CWF19L2: variants seen among roughly 807,000 people sequenced by gnomAD.
CWF19L2 encodes the protein CWF19-like protein 2.
Under a neutral mutation model 111.7 loss-of-function variants are expected in CWF19L2, and 98 were observed. That is an observed-to-expected ratio of 0.88 (90% CI 0.75 to 1.04). CWF19L2 has a LOEUF of 1.04. Among genes scored for constraint, CWF19L2 ranks in the 50% least tolerant of loss-of-function variants. The probability of loss-of-function intolerance (pLI) is 0.00; values close to 1 mark genes in which losing one functional copy is unlikely to be tolerated. For synonymous variants in CWF19L2, 351 were observed against 342.9 expected, an observed-to-expected ratio of 1.02 and a Z score of -0.26; for missense variants, 1,101 against 1,051.4, an observed-to-expected ratio of 1.05 and a Z score of -0.65.
intron 10 of CWF19L2, among the ~76,000 whole-genome samples, chr11:107,396,897 A>T (rs518062): frequency 5.2e-4 from 79 of 151,886 alleles, no homozygotes; most frequent in Non-Finnish European, 7.5e-4. Flanking sequence ...CATACCCCCC[A>T]ACTGGAGAAG....
At chr11:107,331,800 C>G (rs1240913742) in intron 16 of CWF19L2, among the ~76,000 whole-genome samples, 1 of 152,250 alleles carries the variant, frequency 6.6e-6, no homozygotes, top group African/African-American at 2.4e-5. Context: ...TACTTTCACA[C>G]AAAGGCAACT....
chr11:107,435,865 A>G (rs1861533439), intron 6 of CWF19L2, among the ~76,000 whole-genome samples: 1 of 152,156 alleles, frequency 6.6e-6, no homozygotes, highest in African/African-American at 2.4e-5. Flanking sequence ...TACAAACATG[A>G]ATGTACAAGG....
At position 107,443,308 on chromosome 11, in the gene CWF19L2, C is replaced by CTAAAAAAA. The variant is rs753109834; in HGVS notation, c.340-260_340-259insTTTTTTTA. ...CCAGCCTGGCAAACATGGTGAAACA[C>CTAAAAAAA]CATCTCTACTAAAAATACAAAAAAG... On this transcript the variant is annotated intron_variant, in intron 3 of 17. Transcript: ENST00000282251. Among the ~76,000 whole-genome samples, 117 of 152,078 alleles carry CTAAAAAAA rather than the reference C, an allele frequency of 7.7e-4. 6 individuals carry two copies. In the East Asian group the frequency reaches 0.021, roughly 27 times the overall value.
intron 14 of CWF19L2, among the ~76,000 whole-genome samples, chr11:107,344,075 T>C (rs1030600026): frequency 6.6e-6 from 1 of 152,056 alleles, no homozygotes; most frequent in Admixed American, 6.6e-5. Context: ...TAGCTGGGTG[T>C]GGTGGTGCAT....
At chr11:107,332,847 C>T (rs1394686045) in intron 16 of CWF19L2, among the ~76,000 whole-genome samples, 1 of 152,034 alleles carries the variant, frequency 6.6e-6, no homozygotes, top group African/African-American at 2.4e-5. Flanking sequence ...AGGGGCTGGG[C>T]GCAGTGGCTC....
intron 12 of CWF19L2, among the ~76,000 whole-genome samples, chr11:107,379,467 T>C (rs1470167398): frequency 6.6e-6 from 1 of 152,258 alleles, no homozygotes; most frequent in East Asian, 1.9e-4. Context: ...TGTGAAGCCA[T>C]GTTCAAGAGG....
At chr11:107,412,090 G>C (rs1861164787) in intron 10 of CWF19L2, among the ~76,000 whole-genome samples, 1 of 152,030 alleles carries the variant, frequency 6.6e-6, no homozygotes, top group Non-Finnish European at 1.5e-5. Context: ...CAAATCAAAG[G>C]GAAAAAAATG....
chr11:107,414,264 G>A (rs1283169351), intron 10 of CWF19L2, among the ~76,000 whole-genome samples: 1 of 151,886 alleles, frequency 6.6e-6, no homozygotes, highest in Non-Finnish European at 1.5e-5. Context: ...TGCAATCATG[G>A]CTCACTGCAG....
intron 3 of CWF19L2, among the ~76,000 whole-genome samples, chr11:107,452,619 T>C (rs1330757182): frequency 2.0e-5 from 3 of 151,936 alleles, no homozygotes; most frequent in Non-Finnish European, 4.4e-5. Context: ...AAAAATAAAC[T>C]GACACTACAC....
Position 107,393,444 on chromosome 11 carries a change from C to A in CWF19L2, c.1618-549G>T, listed in dbSNP as rs563687310. 1.3e-5 allele frequency among the ~76,000 whole-genome samples: 2 copies of A among 152,162 alleles called. 1 individual carries two copies. The highest frequency in any genetic ancestry group is 4.1e-4 in the South Asian group (2 of 4,826). ...TTACAAACTTTTGGCCAAATATAAA[C>A]CTGGCACAGTACAGAATAAGAGTAA... On this transcript the variant is annotated intron_variant, in intron 10 of 17. Coordinates refer to ENST00000282251, the MANE Select transcript of CWF19L2 (RefSeq NM_152434.3).
intron 12 of CWF19L2, among the ~76,000 whole-genome samples, chr11:107,373,169 T>G (rs1278980103): frequency 7.9e-6 from 1 of 126,530 alleles, no homozygotes; most frequent in East Asian, 2.3e-4. Flanking sequence ...GAGATCAAAC[T>G]GCAAGGCGGC....
chr11:107,444,555 T>A (rs1280941853), intron 3 of CWF19L2, among the ~76,000 whole-genome samples: 1 of 152,202 alleles, frequency 6.6e-6, no homozygotes, highest in Non-Finnish European at 1.5e-5. Flanking sequence ...TGTCTAAACA[T>A]TCCCTTTGGG....
chr11:107,420,970 C>A (rs1431704885), intron 8 of CWF19L2, among the ~76,000 whole-genome samples: 2 of 152,028 alleles, frequency 1.3e-5, no homozygotes, highest in African/African-American at 4.8e-5. Flanking sequence ...ATAGAACACA[C>A]CACCCAACAA....
intron 16 of CWF19L2, among the ~76,000 whole-genome samples, chr11:107,332,917 C>T (rs1859870662): frequency 6.6e-6 from 1 of 151,952 alleles, no homozygotes; most frequent in Non-Finnish European, 1.5e-5. Context: ...GTCAGGAGTT[C>T]GAGACCAGCC....
chr11:107,385,627 T>C (rs1239261420), intron 12 of CWF19L2, among the ~76,000 whole-genome samples: 1 of 152,280 alleles, frequency 6.6e-6, no homozygotes, highest in Non-Finnish European at 1.5e-5. Flanking sequence ...TTTTACTTCC[T>C]GTGGCTGCAG....
rs778956893 is a variant in CWF19L2 at position 107,390,139 on chromosome 11, C to G, written c.1807G>C (p.Val603Leu). ...GCTGTTCCCATCTTTTCATTTTTGACTAAATCATTTAGGCTTAGATTATCA... is the reference window on the plus strand; with the variant it reads ...GCTGTTCCCATCTTTTCATTTTTGAGTAAATCATTTAGGCTTAGATTATCA... ...DDDNLSLNDL[V>L]KNEKMGTAEN... Residue 603 changes from valine (V) to leucine (L), a missense_variant, in exon 12 of 18, where the codon GTC becomes CTC. Val to Leu is a conservative substitution (Grantham distance 32). Transcript: ENST00000282251. 3 of 1,612,394 alleles carry G rather than the reference C, an allele frequency of 1.9e-6. No homozygotes were observed. The highest frequency in any genetic ancestry group is 2.5e-6 in the Non-Finnish European group (3 of 1,178,984).
intron 12 of CWF19L2, among the ~76,000 whole-genome samples, chr11:107,378,286 T>A (rs1439628298): frequency 6.7e-6 from 1 of 150,178 alleles, no homozygotes; most frequent in Non-Finnish European, 1.5e-5. Flanking sequence ...CAAAGGACTA[T>A]AAATCATGCT....
chr11:107,392,619 T>G (rs1261622135), intron 11 of CWF19L2, among the ~76,000 whole-genome samples, 160 bp downstream of exon 11: 1 of 152,162 alleles, frequency 6.6e-6, no homozygotes, highest in Admixed American at 6.5e-5. Flanking sequence ...GGCAAAGAGA[T>G]ATAACTAAGA....
chr11:107,431,679 G>A (rs1861467299), intron 7 of CWF19L2, among the ~76,000 whole-genome samples: 1 of 151,984 alleles, frequency 6.6e-6, no homozygotes, highest in Non-Finnish European at 1.5e-5. Context: ...CCACATAGTA[G>A]GTGTTTATTA....
Sources: allele counts gnomAD v4.1 joint callset (sites outside exome capture counted in the v4.1 genomes callset), GRCh38; gene constraint gnomAD v4.1.1; transcripts MANE v1.5; gene names NCBI Gene and HGNC (gene_info 2026-07-23, HGNC 2026-07-21).